The following TRIM2 variants were observed in gnomAD, a reference collection of about 807,000 sequenced individuals.
TRIM2 encodes the protein tripartite motif containing 2.
TRIM2 carries 20 observed loss-of-function variants against 75.2 expected under a neutral mutation model. The ratio of observed to expected loss-of-function variants is 0.27; its 90% CI spans 0.19 to 0.39. The LOEUF is 0.39. TRIM2 is among the 10% of genes least tolerant of loss of function. The pLI is 1.00. For missense variants in TRIM2, 660 were observed against 990.8 expected (o/e 0.67, Z 4.48); for synonymous variants, 373 against 388.3 (o/e 0.96, Z 0.46).
intron 1 of TRIM2, among the ~76,000 whole-genome samples, chr4:153,244,296 TC>T (rs1747853086): frequency 5.6e-5 from 2 of 35,776 alleles, no homozygotes; most frequent in African/African-American, 3.5e-4. Context: ...CTCCTCCTCC[TC>T]CTCCTCCTCC....
chr4:153,174,004 G>A (rs1334113193), intron 1 of TRIM2, among the ~76,000 whole-genome samples: 1 of 151,494 alleles, frequency 6.6e-6, no homozygotes, highest in East Asian at 2.0e-4. Flanking sequence ...AAAAACAAAA[G>A]GAAATGCAAG....
At chr4:153,271,152 T>A (rs1756578772) in intron 2 of TRIM2, among the ~76,000 whole-genome samples, 1 of 152,210 alleles carries the variant, frequency 6.6e-6, no homozygotes, top group Non-Finnish European at 1.5e-5. Context: ...TTTACCCCAT[T>A]GTTTAACTTA....
chr4:153,210,478 TG>T (rs1238474486), intron 1 of TRIM2, among the ~76,000 whole-genome samples: 1 of 152,202 alleles, frequency 6.6e-6, no homozygotes, highest in African/African-American at 2.4e-5. Context: ...GGTCCCCAAA[TG>T]TTTCACAGGC....
rs1384081794 is a variant in TRIM2 at position 153,339,200 on chromosome 4, A to G, written c.*4234A>G. 1.0e-6 allele frequency: 1 copy of G among 985,746 alleles called. No individual in the cohort carries two copies. The highest frequency in any genetic ancestry group is 1.1e-4 in the East Asian group (1 of 8,834). 61.1% of individuals were successfully genotyped at this position (985,746 alleles called of 1,614,324 possible). A position where few individuals can be genotyped will look rare whatever the true frequency, so the allele number is the denominator to read the frequency against. ...CGTACCACAGTATTTTGGATGCTTTAGTCTACAATGAAACTTTCAATTAAT... is the reference window on the plus strand; with the variant it reads ...CGTACCACAGTATTTTGGATGCTTTGGTCTACAATGAAACTTTCAATTAAT... On this transcript the variant is annotated 3_prime_UTR_variant, in exon 12 of 12. Coordinates refer to ENST00000338700, the MANE Select transcript of TRIM2 (RefSeq NM_015271.5).
chr4:153,267,761 T>C (rs760335079), intron 1 of TRIM2, among the ~76,000 whole-genome samples: 1 of 128,046 alleles, frequency 7.8e-6, no homozygotes, highest in African/African-American at 2.5e-5. Context: ...TTCTCTCTCT[T>C]TCTTTTCCTT....
At chr4:153,299,355 G>GTGTATA (rs1763395320) in intron 6 of TRIM2, among the ~76,000 whole-genome samples, 1 of 150,520 alleles carries the variant, frequency 6.6e-6, no homozygotes, top group African/African-American at 2.4e-5. Flanking sequence ...GTGTGTATGT[G>GTGTATA]TATATATATA....
At chr4:153,164,608 C>G (rs922916415) in intron 1 of TRIM2, among the ~76,000 whole-genome samples, 1 of 152,204 alleles carries the variant, frequency 6.6e-6, no homozygotes. Context: ...CCCAGCCTCC[C>G]GAATTTTCTT....
rs1390228832 is a variant in TRIM2 at position 153,163,493 on chromosome 4, A to ATATT, written c.-49+10224_-49+10225insATTT. 9.4e-4 allele frequency among the ~76,000 whole-genome samples: 76 copies of ATATT among 80,890 alleles called. 3 individuals carry two copies. The highest frequency in any genetic ancestry group is 1.2e-3 in the Non-Finnish European group (44 of 37,932). 53.1% of individuals were successfully genotyped at this position (80,890 alleles called of 152,430 possible). On this transcript the variant is annotated intron_variant, in intron 1 of 11. Coordinates refer to the TRIM2 transcript ENST00000437508. ...ACCACTGCACCCAACCTAGATTTAC[A>ATATT]TCTTTTTTTTTTTTTTTTTTTTTTT...
chr4:153,330,025 A>T (rs1771118428), intron 11 of TRIM2, among the ~76,000 whole-genome samples: 1 of 152,188 alleles, frequency 6.6e-6, no homozygotes, highest in East Asian at 1.9e-4. Flanking sequence ...TCAAAAGGAT[A>T]ATAAGGGAAT....
chr4:153,304,343 G>A (rs919692691), intron 6 of TRIM2, among the ~76,000 whole-genome samples: 6 of 151,952 alleles, frequency 3.9e-5, no homozygotes, highest in Admixed American at 6.6e-5. Context: ...TGAACTCCTG[G>A]CCTCAAGTGA....
At chr4:153,238,603 A>C (rs1465171759) in intron 1 of TRIM2, among the ~76,000 whole-genome samples, 1 of 152,206 alleles carries the variant, frequency 6.6e-6, no homozygotes, top group Non-Finnish European at 1.5e-5. Context: ...AGAGAACTGG[A>C]ATAACCCAGG....
chr4:153,172,545 G>GTT (rs1730995403), intron 1 of TRIM2, among the ~76,000 whole-genome samples: 1 of 152,142 alleles, frequency 6.6e-6, no homozygotes, highest in Non-Finnish European at 1.5e-5. Context: ...TTGATGCTCA[G>GTT]TTTTCAGGAG....
chr4:153,174,477 C>T (rs1731212681), intron 1 of TRIM2, among the ~76,000 whole-genome samples: 1 of 152,118 alleles, frequency 6.6e-6, no homozygotes, highest in Non-Finnish European at 1.5e-5. Flanking sequence ...TGGTCAGGCC[C>T]CCTGCCCCCA....
rs190786190 is a variant in TRIM2 at position 153,299,792 on chromosome 4, A to G, written c.1510+3756A>G. On this transcript the variant is annotated intron_variant, in intron 6 of 11. Coordinates refer to ENST00000338700, the MANE Select transcript of TRIM2 (RefSeq NM_015271.5). ...CACCTTTAGTTACCTGTTCCTAACC[A>G]TCCTTCCCACAAACTACTCACCCCA... Among the ~76,000 whole-genome samples the G allele has an allele frequency of 7.3e-3, 1,115 of 152,198 alleles. 16 individuals carry two copies. The highest frequency in any genetic ancestry group is 0.025 in the African/African-American group (1,052 of 41,534).
intron 1 of TRIM2, among the ~76,000 whole-genome samples, chr4:153,187,785 G>A (rs987903284): frequency 2.6e-5 from 4 of 152,104 alleles, no homozygotes; most frequent in African/African-American, 9.7e-5. Context: ...GAAAAATGGC[G>A]GCCGCATCAT....
intron 1 of TRIM2, among the ~76,000 whole-genome samples, chr4:153,269,462 C>T (rs1162046092): frequency 6.6e-6 from 1 of 152,166 alleles, no homozygotes; most frequent in Non-Finnish European, 1.5e-5. Flanking sequence ...GAAATTTATG[C>T]TCTGCTTTTA....
At chr4:153,152,510 T>C (rs1728825988), upstream of TRIM2, 1 of 151,728 alleles carries the variant, frequency 6.6e-6, no homozygotes, top group Non-Finnish European at 1.5e-5. Context: ...ACAGAACCAC[T>C]GATTCCTTCC....
At chr4:153,239,854 T>G (rs1251635433) in intron 1 of TRIM2, among the ~76,000 whole-genome samples, 1 of 144,542 alleles carries the variant, frequency 6.9e-6, no homozygotes. Flanking sequence ...TTTTTTTTTG[T>G]AAGATGGAGT....
intron 1 of TRIM2, among the ~76,000 whole-genome samples, chr4:153,185,271 T>G (rs1049146056): frequency 3.3e-5 from 5 of 152,108 alleles, no homozygotes; most frequent in African/African-American, 9.7e-5. Context: ...TACTGGCCAG[T>G]AGATCGCCCA....
Sources: gnomAD v4.1 joint callset for allele counts (sites outside exome capture counted in the v4.1 genomes callset) on GRCh38, gnomAD v4.1.1 for gene constraint, MANE v1.5 for transcripts, NCBI Gene and HGNC (gene_info 2026-07-23, HGNC 2026-07-21) for gene names.